Variants in CYP2J2 observed in about 807,000 individuals in gnomAD.
The protein encoded by CYP2J2 is cytochrome P450 2J2.
Under a neutral mutation model 48.8 loss-of-function variants are expected in CYP2J2, and 41 were observed. That is an observed-to-expected ratio of 0.84 (90% CI 0.66 to 1.09). CYP2J2 has a LOEUF of 1.09. Among genes scored for constraint, CYP2J2 ranks in the 50% least tolerant of loss-of-function variants. CYP2J2 has a pLI of 0.00. For missense variants in CYP2J2, 644 were observed against 617.3 expected (o/e 1.04, Z -0.46); for synonymous variants, 221 against 227.1 (o/e 0.97, Z 0.24).
intron 7 of CYP2J2, 30 bp from the exon 8 acceptor site, chr1:59,901,133 G>A (rs771741643): frequency 1.2e-6 from 2 of 1,604,066 alleles, no homozygotes; most frequent in South Asian, 2.2e-5. Flanking sequence ...CTCAGGCAAG[G>A]CTTGACCCAT....
the CYP2J2 span, among the ~76,000 whole-genome samples, chr1:59,948,835 G>A: frequency 6.6e-6 from 1 of 152,104 alleles, no homozygotes; most frequent in Non-Finnish European, 1.5e-5. Flanking sequence ...AACCCTTGGT[G>A]CAAATGCAAA....
At chr1:59,914,601 C>T (rs897381630) in intron 2 of CYP2J2, among the ~76,000 whole-genome samples, 3 of 152,112 alleles carry the variant, frequency 2.0e-5, no homozygotes, top group African/African-American at 7.2e-5. Context: ...TGTTTACAAG[C>T]AGTATTCTTG....
chr1:59,907,393 G>A (rs572475802), intron 6 of CYP2J2, among the ~76,000 whole-genome samples: 5 of 152,266 alleles, frequency 3.3e-5, no homozygotes, highest in South Asian at 4.2e-4. Context: ...GGGGCATATC[G>A]GAGGTTAACA....
chr1:59,942,589 T>A, the CYP2J2 span, among the ~76,000 whole-genome samples: 2 of 152,070 alleles, frequency 1.3e-5, no homozygotes, highest in African/African-American at 4.8e-5. Context: ...AGGAGTGACA[T>A]GATCTGATTT....
chr1:59,955,159 A>AAATAAATG, the CYP2J2 span, among the ~76,000 whole-genome samples: 39 of 149,460 alleles, frequency 2.6e-4, no homozygotes, highest in African/African-American at 9.3e-4. Context: ...ATAAATAAAT[A>AAATAAATG]AATAAATAAA....
At chr1:59,921,491 T>A (rs911598088) in intron 1 of CYP2J2, among the ~76,000 whole-genome samples, 4 of 152,004 alleles carry the variant, frequency 2.6e-5, no homozygotes, top group African/African-American at 9.7e-5. Context: ...GCTCTGGGAA[T>A]GGAATGCAAC....
chr1:59,933,360 G>T, the CYP2J2 span, among the ~76,000 whole-genome samples: 1 of 152,132 alleles, frequency 6.6e-6, no homozygotes, highest in Non-Finnish European at 1.5e-5. Flanking sequence ...AAACAGATAA[G>T]AATAGGGTAG....
At chr1:59,924,576 A>C (rs1644547259) in intron 1 of CYP2J2, among the ~76,000 whole-genome samples, 1 of 152,240 alleles carries the variant, frequency 6.6e-6, no homozygotes, top group Admixed American at 6.5e-5. Context: ...GAGGTAGTAA[A>C]ATTTTTACAC....
At chr1:59,949,329 G>A in the CYP2J2 span, among the ~76,000 whole-genome samples, 2 of 152,094 alleles carry the variant, frequency 1.3e-5, no homozygotes, top group Admixed American at 6.6e-5. Context: ...TTGTCTTTGA[G>A]TTTTTCCAAA....
chr1:59,902,891 G>A (rs889306810), intron 7 of CYP2J2, among the ~76,000 whole-genome samples: 7 of 152,282 alleles, frequency 4.6e-5, no homozygotes, highest in Admixed American at 4.6e-4. Context: ...AGTGGGAGGA[G>A]GCAGAGCCAT....
chr1:59,916,696 G>T (rs1470765797), intron 1 of CYP2J2, among the ~76,000 whole-genome samples: 3 of 152,166 alleles, frequency 2.0e-5, no homozygotes, highest in Non-Finnish European at 2.9e-5. Context: ...TCGTGCCATG[G>T]CACTCCAACT....
Position 59,893,327 on chromosome 1 carries a change from A to T in CYP2J2, c.*324T>A, listed in dbSNP as rs1424498689. The stretch of plus-strand genomic sequence containing the variant: ...GCACACTATAGATAGAACTTTTATG[A>T]TGTGTTTTATGGTTTACAAACCACT... On this transcript the variant is annotated 3_prime_UTR_variant, in exon 9 of 9. Coordinates refer to ENST00000371204, the MANE Select transcript of CYP2J2 (RefSeq NM_000775.4). The T allele has an allele frequency of 4.6e-6, 1 of 218,600 alleles. No individual in the cohort carries two copies. Among genetic ancestry groups the T allele is most frequent in the Admixed American group, 5.8e-5 (1 of 17,286 alleles). The allele number at this position is 218,600 out of a possible 1,614,324, so 13.5% of individuals were successfully genotyped here. A position where few individuals can be genotyped will look rare whatever the true frequency, so the allele number is the denominator to read the frequency against.
chr1:59,942,646 G>C, the CYP2J2 span, among the ~76,000 whole-genome samples: 130 of 152,174 alleles, frequency 8.5e-4, no homozygotes, highest in African/African-American at 3.0e-3. Context: ...GTAGGTGTGA[G>C]AGCAGAAGTA....
chr1:59,910,160 AT>A (rs1191871695), intron 4 of CYP2J2, among the ~76,000 whole-genome samples, 200 bp from the exon 5 acceptor site: 2 of 151,992 alleles, frequency 1.3e-5, no homozygotes, highest in African/African-American at 2.4e-5. Flanking sequence ...GCCTTGGACC[AT>A]TTCTCACCAC....
the CYP2J2 span, among the ~76,000 whole-genome samples, chr1:59,953,314 C>T: frequency 6.6e-6 from 1 of 152,076 alleles, no homozygotes; most frequent in Non-Finnish European, 1.5e-5. Flanking sequence ...TTATTGGGCA[C>T]CCCCTCTGTG....
upstream of CYP2J2, among the ~76,000 whole-genome samples, chr1:59,928,524 G>C (rs937643454): frequency 1.3e-5 from 2 of 152,082 alleles, no homozygotes; most frequent in Admixed American, 6.5e-5. Context: ...TCAAATGAAG[G>C]CTACAGTATC....
At chr1:59,966,633 A>G in the CYP2J2 span, among the ~76,000 whole-genome samples, 1 of 152,188 alleles carries the variant, frequency 6.6e-6, no homozygotes, top group Middle Eastern at 3.2e-3. Context: ...GTGAGGACTA[A>G]GTAGGTTTTA....
chr1:59,914,721 A>G (rs971620143), intron 2 of CYP2J2, among the ~76,000 whole-genome samples: 2 of 152,202 alleles, frequency 1.3e-5, no homozygotes, highest in Non-Finnish European at 2.9e-5. Flanking sequence ...GTTTCTCCCC[A>G]TGTGATAGTC....
intron 3 of CYP2J2, 38 bp downstream of exon 3, chr1:59,912,124 G>A: frequency 2.5e-6 from 4 of 1,582,920 alleles, no homozygotes; most frequent in Non-Finnish European, 2.6e-6. Context: ...TGAACAAATG[G>A]GCCACAGTCT....
Sources: allele counts gnomAD v4.1 joint callset (sites outside exome capture counted in the v4.1 genomes callset), GRCh38; gene constraint gnomAD v4.1.1; transcripts MANE v1.5; gene names NCBI Gene and HGNC (gene_info 2026-07-23, HGNC 2026-07-21).